The following APH1B variants were observed in gnomAD, a reference collection of about 807,000 sequenced individuals.
The protein encoded by APH1B is gamma-secretase subunit APH-1B.
In APH1B, 27 loss-of-function variants were observed where a neutral mutation model predicts 28.2. That is an observed-to-expected ratio of 0.96 (90% CI 0.70 to 1.32). APH1B has a LOEUF of 1.32. Among genes scored for constraint, APH1B ranks in the 40% most tolerant of loss-of-function variants. The probability of loss-of-function intolerance (pLI) is 0.00; values close to 1 mark genes in which losing one functional copy is unlikely to be tolerated. For missense variants in APH1B, 305 were observed against 313.6 expected (o/e 0.97, Z 0.21); for synonymous variants, 141 against 124.6 (o/e 1.13, Z -0.88).
intron 5 of APH1B, among the ~76,000 whole-genome samples, chr15:63,303,581 G>A (rs747624249): frequency 2.6e-5 from 4 of 152,122 alleles, no homozygotes; most frequent in Non-Finnish European, 4.4e-5. Context: ...TTGCAGCCTC[G>A]ACCTCCTGGG....
chr15:63,303,989 C>T (rs1387091659), intron 5 of APH1B, among the ~76,000 whole-genome samples: 1 of 151,962 alleles, frequency 6.6e-6, no homozygotes. Context: ...ACTCAATTTT[C>T]AGAGTGATGG....
intron 4 of APH1B, among the ~76,000 whole-genome samples, chr15:63,288,447 A>G (rs942385921): frequency 2.0e-5 from 3 of 152,244 alleles, no homozygotes; most frequent in Admixed American, 6.5e-5. Context: ...CACCATTCGC[A>G]GTAGACCCTT....
chr15:63,306,031 C>A lies in APH1B; in HGVS notation c.*250C>A. 2.4e-6 allele frequency: 1 copy of A among 425,512 alleles called. No individual in the cohort carries two copies. Among genetic ancestry groups the A allele is most frequent in the Non-Finnish European group, 4.1e-6 (1 of 242,452 alleles). 26.4% of individuals were successfully genotyped at this position (425,512 alleles called of 1,614,324 possible). The stretch of plus-strand genomic sequence containing the variant: ...TGATTCTGGGCTCCACCTTCCAGAG[C>A]TAATTGGCCTGGGCACGTGGTGAGT... On this transcript the variant is annotated 3_prime_UTR_variant, in exon 6 of 6. Coordinates refer to ENST00000261879, the MANE Select transcript of APH1B (RefSeq NM_031301.4).
chr15:63,303,896 C>CACACAT (rs1555427278), intron 5 of APH1B, among the ~76,000 whole-genome samples: 1 of 151,192 alleles, frequency 6.6e-6, no homozygotes, highest in Non-Finnish European at 1.5e-5. Context: ...CACACACACA[C>CACACAT]ACACACACAC....
At position 63,307,850 on chromosome 15, in the gene APH1B, C is replaced by T. The variant is rs1041860732; in HGVS notation, c.*2069C>T. ...TTGTAAAATCTCATTTATAAAAACTCAGATGAGAAGAAAATTTTCTTTGAT... is the reference window on the plus strand; with the variant it reads ...TTGTAAAATCTCATTTATAAAAACTTAGATGAGAAGAAAATTTTCTTTGAT... On this transcript the variant is annotated 3_prime_UTR_variant, in exon 6 of 6. Transcript: ENST00000261879. The T allele has an allele frequency of 1.2e-4, 19 of 152,156 alleles. No homozygotes were observed. The highest frequency in any genetic ancestry group is 3.6e-4 in the African/African-American group (15 of 41,420). The allele number at this position is 152,156 out of a possible 1,614,324, so 9.4% of individuals were successfully genotyped here. A position where few individuals can be genotyped will look rare whatever the true frequency, so the allele number is the denominator to read the frequency against.
intron 2 of APH1B, among the ~76,000 whole-genome samples, chr15:63,284,960 G>A (rs1040012882): frequency 1.3e-5 from 2 of 152,160 alleles, no homozygotes; most frequent in Non-Finnish European, 1.5e-5. Flanking sequence ...CTATATATGT[G>A]TCCCATAAGC....
intron 4 of APH1B, among the ~76,000 whole-genome samples, chr15:63,288,559 G>A (rs958666626): frequency 6.6e-6 from 1 of 152,124 alleles, no homozygotes; most frequent in Non-Finnish European, 1.5e-5. Context: ...TGTGAATCCT[G>A]TATGCAACTA....
In APH1B at chr15:63,302,265, C is replaced by T. The variant is rs11854421; in HGVS notation, c.479-80C>T. ...TCTTGCTGAGGTGTGGTGGACACCC[C>T]GAGAGCCCGTGCACAGTGCCAGGGT... On this transcript the variant is annotated intron_variant, in intron 4 of 5. Transcript: ENST00000261879. 0.011 allele frequency: 16,779 copies of T among 1,521,822 alleles called. 1,002 individuals carry two copies. In the East Asian group the frequency reaches 0.18, roughly 17 times the overall value. 94.3% of individuals were successfully genotyped at this position (1,521,822 alleles called of 1,614,324 possible). A position where few individuals can be genotyped will look rare whatever the true frequency, so the allele number is the denominator to read the frequency against.
rs752464186 is a variant in APH1B at position 63,302,326 on chromosome 15, A to G, written c.479-19A>G. 4.3e-6 allele frequency: 7 copies of G among 1,612,720 alleles called. No individual in the cohort carries two copies. In the South Asian group the frequency reaches 5.5e-5, roughly 13 times the overall value. On this transcript the variant is annotated intron_variant, in intron 4 of 5. Transcript: ENST00000261879. ...TCTGATACCTGTAGGAGTGACACTAATGGTCGGCTCTCTTTCAGCTTTCAT... is the reference window on the plus strand; with the variant it reads ...TCTGATACCTGTAGGAGTGACACTAGTGGTCGGCTCTCTTTCAGCTTTCAT...
At chr15:63,293,500 T>TC (rs1158685684) in intron 4 of APH1B, among the ~76,000 whole-genome samples, 6 of 146,056 alleles carry the variant, frequency 4.1e-5, no homozygotes, top group South Asian at 2.1e-4. Context: ...TTCTTCTTCT[T>TC]TTTTTTTTTT....
Position 63,305,109 on chromosome 15 carries a change from GAT to G in APH1B, c.607-503_607-502del, listed in dbSNP as rs1363665938. ...CTTACTAGTACAGAACCTCCATTAG[GAT>G]AGAAACTTTGGTCTCACCAAGGTGT... is the stretch of plus-strand genomic sequence containing the variant. On this transcript the variant is annotated intron_variant, in intron 5 of 5. Transcript: ENST00000261879. Among the ~76,000 whole-genome samples, 3 of 152,162 alleles carry G rather than the reference GAT, an allele frequency of 2.0e-5. No homozygotes were observed. In the East Asian group the frequency reaches 5.8e-4, roughly 29 times the overall value.
chr15:63,303,520 G>A (rs934382974), intron 5 of APH1B, among the ~76,000 whole-genome samples: 2 of 152,182 alleles, frequency 1.3e-5, no homozygotes, highest in Non-Finnish European at 2.9e-5. Context: ...GTTTGAGATG[G>A]AGTCTTGCCC....
At position 63,303,699 on chromosome 15, in the gene APH1B, C is replaced by T. The variant is rs112673857; in HGVS notation, c.606+1227C>T. ...TTTTGTAGAGATGAGCTCTATGTTGCTCCGGCTGGCTTCGAACTCCTGGGC... is the reference window on the plus strand; with the variant it reads ...TTTTGTAGAGATGAGCTCTATGTTGTTCCGGCTGGCTTCGAACTCCTGGGC... On this transcript the variant is annotated intron_variant, in intron 5 of 5. Coordinates refer to ENST00000261879, the MANE Select transcript of APH1B (RefSeq NM_031301.4). 6.9e-3 allele frequency among the ~76,000 whole-genome samples: 1,054 copies of T among 152,236 alleles called. 8 individuals are homozygous for T. Among genetic ancestry groups the T allele is most frequent in the Non-Finnish European group, 0.012 (830 of 68,006 alleles).
At chr15:63,286,443 A>G (rs908929385) in intron 2 of APH1B, 115 bp from the exon 3 acceptor site, 16 of 826,718 alleles carry the variant, frequency 1.9e-5, no homozygotes, top group Non-Finnish European at 2.8e-5. Flanking sequence ...GTATAACCTG[A>G]TGCAAAGCCT....
At chr15:63,296,064 G>A (rs779503306) in intron 4 of APH1B, among the ~76,000 whole-genome samples, 4 of 152,166 alleles carry the variant, frequency 2.6e-5, no homozygotes, top group East Asian at 1.9e-4. Flanking sequence ...AAATCAGGCC[G>A]CAGAATTCTC....
intron 4 of APH1B, among the ~76,000 whole-genome samples, chr15:63,297,503 C>G (rs1443907004): frequency 6.6e-6 from 1 of 152,026 alleles, no homozygotes; most frequent in Non-Finnish European, 1.5e-5. Flanking sequence ...GCACTCCAGT[C>G]TGGGTGACAG....
rs371593311 is a variant in APH1B, at chr15:63,303,499, T to C, written c.606+1027T>C. Among the ~76,000 whole-genome samples the C allele has an allele frequency of 2.3e-3, 346 of 152,302 alleles. 11 individuals are homozygous for C. In the South Asian group the frequency reaches 0.067, roughly 30 times the overall value. ...CCATTTGACAGCAGAGAGGCATTGA[T>C]GTTGTTTCTAGTTTGAGATGGAGTC... On this transcript the variant is annotated intron_variant, in intron 5 of 5. Coordinates refer to ENST00000261879, the MANE Select transcript of APH1B (RefSeq NM_031301.4).
chr15:63,290,943 G>T (rs1222882360), intron 4 of APH1B, among the ~76,000 whole-genome samples: 1 of 152,126 alleles, frequency 6.6e-6, no homozygotes, highest in Non-Finnish European at 1.5e-5. Flanking sequence ...GAAAGGAGTT[G>T]TCAGAGAAAG....
chr15:63,294,047 C>T (rs1033844668), intron 4 of APH1B, among the ~76,000 whole-genome samples: 2 of 151,976 alleles, frequency 1.3e-5, no homozygotes, highest in African/African-American at 2.4e-5. Flanking sequence ...CTAGCCACTG[C>T]TGCTTTTAAT....
Sources: allele counts gnomAD v4.1 joint callset (sites outside exome capture counted in the v4.1 genomes callset), GRCh38; gene constraint gnomAD v4.1.1; transcripts MANE v1.5; gene names NCBI Gene and HGNC (gene_info 2026-07-23, HGNC 2026-07-21).